CTBP1: variants seen among roughly 807,000 people sequenced by gnomAD.
CTBP1 encodes C-terminal binding protein 1.
A neutral mutation model predicts 42.1 loss-of-function variants in CTBP1; 11 were observed. The ratio of observed to expected loss-of-function variants is 0.26; its 90% CI spans 0.16 to 0.43. The LOEUF (loss-of-function observed/expected upper bound fraction) is 0.43, where lower values mean the gene tolerates loss of function less well. Ranked by LOEUF, CTBP1 falls within the 20% of genes least tolerant of loss-of-function variation. CTBP1 has a pLI of 1.00. For synonymous variants in CTBP1, 324 were observed against 277.1 expected, an observed-to-expected ratio of 1.17 and a Z score of -1.68; for missense variants, 399 against 624.3, an observed-to-expected ratio of 0.64 and a Z score of 3.85.
chr4:1,214,596 C>T (rs983364274), intron 6 of CTBP1, 123 bp from the exon 7 acceptor site: 3 of 1,275,156 alleles, frequency 2.4e-6, no homozygotes, highest in Non-Finnish European at 2.1e-6. Context: ...CCCAGCCCCA[C>T]CCTGGGCTCA....
intron 3 of CTBP1, among the ~76,000 whole-genome samples, chr4:1,228,595 G>A (rs1162728220): frequency 1.3e-5 from 2 of 152,204 alleles, no homozygotes; most frequent in Admixed American, 1.3e-4. Flanking sequence ...GCTGCAGGCC[G>A]GCACTGGTCA....
chr4:1,248,910 C>T lies in CTBP1; in HGVS notation c.-189+6G>A. The T allele has an allele frequency of 1.0e-6, 1 of 988,976 alleles. No homozygotes were observed. Among genetic ancestry groups the T allele is most frequent in the Non-Finnish European group, 1.2e-6 (1 of 829,982 alleles). 61.3% of individuals were successfully genotyped at this position (988,976 alleles called of 1,614,324 possible). A position where few individuals can be genotyped will look rare whatever the true frequency, so the allele number is the denominator to read the frequency against. On this transcript the variant is annotated splice_donor_region_variant and intron_variant, in intron 1 of 9. Transcript: ENST00000382952. ...CGGCCGGAAACGCGCGCGCGCGCGG[C>T]CTTACCAAGCGGCAGGCCCTTGTTG...
rs567952564 is a variant in CTBP1, at chr4:1,245,064, C to T, written c.-188-3545G>A. The stretch of plus-strand genomic sequence containing the variant: ...CGGGGCCAAGAGAACCTCCCCCAGA[C>T]AGACAAGGCCCGTCACCCACAGGTT... On this transcript the variant is annotated intron_variant, in intron 1 of 9. Transcript: ENST00000382952. 1,445 of 983,998 alleles carry T rather than the reference C, an allele frequency of 1.5e-3. 26 individuals carry two copies. The African/African-American group carries it at 0.023, about 16-fold the overall frequency. 61.0% of individuals were successfully genotyped at this position (983,998 alleles called of 1,614,324 possible). A position where few individuals can be genotyped will look rare whatever the true frequency, so the allele number is the denominator to read the frequency against.
chr4:1,226,410 A>G (rs1730350471), intron 4 of CTBP1, among the ~76,000 whole-genome samples: 1 of 152,044 alleles, frequency 6.6e-6, no homozygotes, highest in Admixed American at 6.5e-5. Context: ...GCTGGACAGG[A>G]CCGTGTGGTT....
intron 1 of CTBP1, chr4:1,242,456 A>C: frequency 3.0e-6 from 3 of 985,116 alleles, no homozygotes; most frequent in South Asian, 9.4e-5. Context: ...GCCAAGCCTA[A>C]GACCCTGGTA....
intron 5 of CTBP1, among the ~76,000 whole-genome samples, chr4:1,219,534 C>T (rs894403561): frequency 2.0e-5 from 3 of 152,188 alleles, no homozygotes; most frequent in Non-Finnish European, 4.4e-5. Flanking sequence ...CTTTTTCTCC[C>T]ACATCAACAC....
At chr4:1,236,489 T>C in intron 3 of CTBP1, 1 of 596,198 alleles carries the variant, frequency 1.7e-6, no homozygotes, top group East Asian at 2.8e-5. Flanking sequence ...ACCTGCTCTC[T>C]GGGAAAAAAC....
At chr4:1,245,622 C>T (rs935906339) in intron 1 of CTBP1, 9 of 982,744 alleles carry the variant, frequency 9.2e-6, no homozygotes, top group Non-Finnish European at 9.6e-6. Context: ...GTGACACGGG[C>T]GGCATAGCAG....
chr4:1,244,235 G>A, intron 1 of CTBP1: 1 of 985,226 alleles, frequency 1.0e-6, no homozygotes. Flanking sequence ...CGATCCACGT[G>A]TGTGCTGGGC....
intron 1 of CTBP1, chr4:1,245,499 C>T (rs925956588): frequency 9.1e-6 from 9 of 985,300 alleles, no homozygotes; most frequent in Non-Finnish European, 1.1e-5. Context: ...TCCTGCCAGC[C>T]ACGCAGACAG....
intron 3 of CTBP1, chr4:1,236,401 C>T (rs1018271008): frequency 7.3e-5 from 40 of 544,730 alleles, no homozygotes; most frequent in African/African-American, 3.4e-4. Context: ...CGAGACCGCC[C>T]GTGTGAAGAC....
intron 1 of CTBP1, chr4:1,244,096 G>A (rs1485772827): frequency 2.0e-6 from 2 of 985,296 alleles, no homozygotes; most frequent in Non-Finnish European, 2.4e-6. Flanking sequence ...AAGTCCCGGG[G>A]GGCTGCACGG....
At chr4:1,237,340 G>C (rs1205436783) in intron 3 of CTBP1, 40 of 669,896 alleles carry the variant, frequency 6.0e-5, no homozygotes, top group South Asian at 3.8e-4. Context: ...TCCACCTCCT[G>C]ATGGGGCTCA....
At chr4:1,229,590 A>G (rs1730748453) in intron 3 of CTBP1, among the ~76,000 whole-genome samples, 1 of 152,186 alleles carries the variant, frequency 6.6e-6, no homozygotes, top group African/African-American at 2.4e-5. Flanking sequence ...CCTGCCGAGC[A>G]TGGAGCCTGT....
intron 1 of CTBP1, chr4:1,243,156 A>G (rs1314129768): frequency 1.0e-6 from 1 of 985,336 alleles, no homozygotes; most frequent in Non-Finnish European, 1.2e-6. Context: ...TACTGCCCAC[A>G]GCAGCATGGC....
At chr4:1,213,115 G>A in intron 8 of CTBP1, 85 bp from the exon 9 acceptor site, 1 of 1,183,442 alleles carries the variant, frequency 8.4e-7, no homozygotes, top group Non-Finnish European at 1.2e-6. Flanking sequence ...ACGGGCAGCA[G>A]GATTCTTGGC....
rs1446741524 is a variant in CTBP1, at chr4:1,238,615, CCCTCCAAGGCCCCTCCGAGAT to C, written c.8-299_8-279del. Among the ~76,000 whole-genome samples the C allele has an allele frequency of 3.3e-5, 5 of 151,606 alleles. No individual in the cohort carries two copies. Among genetic ancestry groups the C allele is most frequent in the African/African-American group, 1.2e-4 (5 of 41,188 alleles). ...GAGACCCTCCAAGTCCCCTCCGAGACCCTCCAAGGCCCCTCCGAGATCCTCCCAGACCCTCTGAGACCCTCT... is the reference window on the plus strand; with the variant it reads ...GAGACCCTCCAAGTCCCCTCCGAGACCCTCCCAGACCCTCTGAGACCCTCT... On this transcript the variant is annotated intron_variant, in intron 2 of 9. Transcript: ENST00000382952. The surrounding 1 kb of genome is among the most constrained non-coding windows in gnomAD (Gnocchi z 5.9).
At chr4:1,229,602 G>A (rs1388753724) in intron 3 of CTBP1, among the ~76,000 whole-genome samples, 1 of 152,198 alleles carries the variant, frequency 6.6e-6, no homozygotes, top group Non-Finnish European at 1.5e-5. Context: ...GGAGCCTGTG[G>A]ATCCCGGGCG....
At position 1,219,367 on chromosome 4, in the gene CTBP1, A is replaced by G. The variant is rs929249409; in HGVS notation, c.515-3162T>C. On this transcript the variant is annotated intron_variant, in intron 5 of 9. Coordinates refer to ENST00000382952, the MANE Select transcript of CTBP1 (RefSeq NM_001012614.2). ...ACCTTGTCTCTGAATGAATGAATATAAGAACAGAGATAAGCTAAAATTAAA... is the reference window on the plus strand; with the variant it reads ...ACCTTGTCTCTGAATGAATGAATATGAGAACAGAGATAAGCTAAAATTAAA... 3.3e-5 allele frequency among the ~76,000 whole-genome samples: 5 copies of G among 152,168 alleles called. No homozygotes were observed. The South Asian group carries it at 6.2e-4, about 19-fold the overall frequency.
Sources: gnomAD v4.1 joint callset for allele counts (sites outside exome capture counted in the v4.1 genomes callset) on GRCh38, gnomAD v4.1.1 for gene constraint, Gnocchi (gnomAD v3.1) non-coding constraint, MANE v1.5 for transcripts, NCBI Gene and HGNC (gene_info 2026-07-23, HGNC 2026-07-21) for gene names.